Variants in EGFL6 observed in about 807,000 individuals in gnomAD.
The protein encoded by EGFL6 is EGF like domain multiple 6, also known as epidermal growth factor-like protein 6.
EGFL6 carries 42 observed loss-of-function variants against 43.1 expected under a neutral mutation model. The observed-to-expected ratio is 0.98, with a 90% CI of 0.76 to 1.26. EGFL6 has a LOEUF of 1.26. Among genes scored for constraint, EGFL6 ranks in the 50% most tolerant of loss-of-function variants. EGFL6 has a pLI of 0.00. For missense variants in EGFL6, 429 were observed against 427.8 expected (o/e 1.00, Z -0.02); for synonymous variants, 164 against 163.2 (o/e 1.01, Z -0.04).
chrX:13,579,456 A>G (rs1286090122), intron 1 of EGFL6, among the ~76,000 whole-genome samples: 1 of 111,472 alleles, frequency 9.0e-6, no homozygotes, highest in Non-Finnish European at 1.9e-5. Flanking sequence ...ATAGTATTCC[A>G]TGGTGTATAT....
At chrX:13,570,959 G>GT (rs2045438451) in intron 1 of EGFL6, among the ~76,000 whole-genome samples, 1 of 111,515 alleles carries the variant, frequency 9.0e-6, no homozygotes, top group South Asian at 3.8e-4. Flanking sequence ...CTAGAATATG[G>GT]TTTTTCCACC....
In EGFL6 at chrX:13,623,810, T is replaced by C; in HGVS notation, c.1184-14T>C. On this transcript the variant is annotated splice_polypyrimidine_tract_variant and intron_variant, in intron 9 of 11. Coordinates refer to ENST00000361306, the MANE Select transcript of EGFL6 (RefSeq NM_015507.4). ...CTTTTAGGGGTTATGAAATATGTTC[T>C]TTCTTTTTAGCAGATTTAAATATCT... 1.7e-6 allele frequency: 2 copies of C among 1,188,659 alleles called. No individual in the cohort carries two copies. Among genetic ancestry groups the C allele is most frequent in the African/African-American group, 1.7e-5 (1 of 57,282 alleles).
At position 13,569,853 on chromosome X, in the gene EGFL6, C is replaced by T; in HGVS notation, c.-9C>T. ...GGGCTCAGGAGGAGGAAGGAGGACCCGTGCGAGAATGCCTCTGCCCTGGAG... is the reference window on the plus strand; with the variant it reads ...GGGCTCAGGAGGAGGAAGGAGGACCTGTGCGAGAATGCCTCTGCCCTGGAG... On this transcript the variant is annotated 5_prime_UTR_variant, in exon 1 of 12. Coordinates refer to ENST00000361306, the MANE Select transcript of EGFL6 (RefSeq NM_015507.4). 1 of 1,211,299 alleles carries T rather than the reference C, an allele frequency of 8.3e-7. No individual in the cohort carries two copies. The highest frequency in any genetic ancestry group is 1.1e-6 in the Non-Finnish European group (1 of 894,851).
intron 1 of EGFL6, among the ~76,000 whole-genome samples, chrX:13,577,582 G>A (rs1398442428): frequency 9.1e-6 from 1 of 109,598 alleles, no homozygotes; most frequent in Non-Finnish European, 1.9e-5. Flanking sequence ...TGTTCTTATG[G>A]AGCAAATGTG....
At chrX:13,584,756 G>T (rs1262857857) in intron 1 of EGFL6, among the ~76,000 whole-genome samples, 1 of 111,894 alleles carries the variant, frequency 8.9e-6, no homozygotes, top group Non-Finnish European at 1.9e-5. Flanking sequence ...TTCCCTTTTG[G>T]TTGCTGATGA....
Position 13,619,245 on chromosome X carries a change from T to C in EGFL6, c.1183+2T>C. On this transcript the variant is annotated splice_donor_variant, in intron 9 of 11. Transcript: ENST00000361306. LOFTEE classifies it high-confidence loss of function. ...TAACTTCCAAACTGGAACATAAAGGTAAATAATTCTTTCTCCCAAGTGTAT... is the reference window on the plus strand; with the variant it reads ...TAACTTCCAAACTGGAACATAAAGGCAAATAATTCTTTCTCCCAAGTGTAT... 3 of 1,200,512 alleles carry C rather than the reference T, an allele frequency of 2.5e-6. No individual in the cohort carries two copies. Among genetic ancestry groups the C allele is most frequent in the Non-Finnish European group, 3.4e-6 (3 of 885,290 alleles).
chrX:13,580,099 G>A (rs1365415181), intron 1 of EGFL6, among the ~76,000 whole-genome samples: 1 of 111,606 alleles, frequency 9.0e-6, no homozygotes, highest in African/African-American at 3.3e-5. Context: ...ATGAGCATCA[G>A]ATCATTTATG....
intron 9 of EGFL6, 96 bp from the exon 10 acceptor site, chrX:13,623,728 C>T (rs1194041058): frequency 3.7e-5 from 23 of 617,537 alleles, no homozygotes; most frequent in Admixed American, 1.6e-4. Context: ...GTACTCTGTG[C>T]GACTGAAAAC....
At chrX:13,594,999 C>T (rs760030543) in intron 3 of EGFL6, 71 bp downstream of exon 3, 114 of 792,326 alleles carry the variant, frequency 1.4e-4, no homozygotes, top group South Asian at 4.6e-4. Context: ...CAATATGGTA[C>T]GCAGGATTTC....
At position 13,589,536 on chromosome X, in the gene EGFL6, A is replaced by G. The variant is rs1210608203; in HGVS notation, c.75-20A>G. On this transcript the variant is annotated intron_variant, in intron 1 of 11. Transcript: ENST00000361306. ...TCTTTTCTATTTTCTCAATACTAACATGTAGTTCTTTATCTGCAGTGCAAG... is the reference window on the plus strand; with the variant it reads ...TCTTTTCTATTTTCTCAATACTAACGTGTAGTTCTTTATCTGCAGTGCAAG... The G allele has an allele frequency of 2.6e-6, 3 of 1,175,945 alleles. No individual in the cohort carries two copies. The highest frequency in any genetic ancestry group is 3.5e-5 in the African/African-American group (2 of 56,347).
At position 13,569,688 on chromosome X, in the gene EGFL6, T is replaced by A; in HGVS notation, c.-174T>A. 2 of 361,575 alleles carry A rather than the reference T, an allele frequency of 5.5e-6. No individual in the cohort carries two copies. Among genetic ancestry groups the A allele is most frequent in the Non-Finnish European group, 9.3e-6 (2 of 216,149 alleles). 29.8% of individuals were successfully genotyped at this position (361,575 alleles called of 1,213,427 possible). On this transcript the variant is annotated 5_prime_UTR_variant, in exon 1 of 12. Transcript: ENST00000361306. The stretch of plus-strand genomic sequence containing the variant: ...CCCCTCCCCAGGCCGCGAGCGCCCC[T>A]GCCGCGGTGCCTGGCCTCCCCTCCC...
At chrX:13,581,016 C>G (rs182127380) in intron 1 of EGFL6, among the ~76,000 whole-genome samples, 1 of 111,839 alleles carries the variant, frequency 8.9e-6, no homozygotes, top group African/African-American at 3.3e-5. Context: ...TCAACGTTCC[C>G]TTCACCTCCT....
chrX:13,618,134 G>A (rs901917295), intron 8 of EGFL6, 81 bp downstream of exon 8: 17 of 987,737 alleles, frequency 1.7e-5, no homozygotes, highest in African/African-American at 3.9e-5. Context: ...ACAAAAAGCC[G>A]GTTTCACAGC....
intron 1 of EGFL6, 68 bp from the exon 2 acceptor site, chrX:13,589,488 G>A: frequency 2.2e-6 from 2 of 903,577 alleles, no homozygotes; most frequent in Non-Finnish European, 3.1e-6. Context: ...GGTTCTTTTA[G>A]TAGTAGGGAA....
In EGFL6 at chrX:13,623,880, GA is replaced by G; in HGVS notation, c.1241del (p.Asp414ValfsTer36). On this transcript the variant is annotated frameshift_variant, in exon 10 of 12. Transcript: ENST00000361306. LOFTEE classifies it high-confidence loss of function. ...TCATGGGATCTGTGACTGGAAACAGGATAGAGAAGATGATTTTGACTGGAAT... is the reference window on the plus strand; with the variant it reads ...TCATGGGATCTGTGACTGGAAACAGGTAGAGAAGATGATTTTGACTGGAAT... Reference protein sequence around the residue: ...FNHGICDWKQDREDDFDWNPA... With the variant: ...FNHGICDWKQXREDDFDWNPA... The G allele has an allele frequency of 8.3e-7, 1 of 1,208,563 alleles. No homozygotes were observed. Among genetic ancestry groups the G allele is most frequent in the African/African-American group, 1.7e-5 (1 of 57,647 alleles).
chrX:13,624,026 T>C, intron 10 of EGFL6, 101 bp downstream of exon 10: 1 of 674,366 alleles, frequency 1.5e-6, no homozygotes, highest in South Asian at 2.8e-5. Flanking sequence ...CAGAGCAGGG[T>C]TGTTTGTCAT....
chrX:13,597,561 A>G (rs778109798), intron 3 of EGFL6, among the ~76,000 whole-genome samples: 51 of 111,851 alleles, frequency 4.6e-4, no homozygotes, highest in Non-Finnish European at 7.9e-4. Flanking sequence ...AGGTGGGTGG[A>G]TCACTTGAGG....
chrX:13,581,155 A>C (rs1456663154), intron 1 of EGFL6, among the ~76,000 whole-genome samples: 1 of 112,188 alleles, frequency 8.9e-6, no homozygotes, highest in Non-Finnish European at 1.9e-5. Context: ...AAATAGAGGA[A>C]GCAATGGAAA....
chrX:13,612,541 G>T (rs950951630), intron 7 of EGFL6, among the ~76,000 whole-genome samples: 2 of 108,373 alleles, frequency 1.8e-5, no homozygotes, highest in South Asian at 4.0e-4. Context: ...ATCATGGCCC[G>T]TTCTCAATGA....
Sources: allele counts gnomAD v4.1 joint callset (sites outside exome capture counted in the v4.1 genomes callset), GRCh38; gene constraint gnomAD v4.1.1; transcripts MANE v1.5; gene names NCBI Gene and HGNC (gene_info 2026-07-23, HGNC 2026-07-21).